The following CERKL variants were observed in gnomAD, a reference collection of about 807,000 sequenced individuals.
CERKL encodes ceramide kinase-like protein.
In CERKL, 61 loss-of-function variants were observed where a neutral mutation model predicts 63.4. The observed-to-expected ratio is 0.96, with a 90% CI of 0.78 to 1.19. CERKL has a LOEUF of 1.19. Ranked by LOEUF, CERKL falls within the 50% of genes most tolerant of loss-of-function variation. CERKL has a pLI of 0.00. For missense variants in CERKL, 675 were observed against 655.5 expected, an observed-to-expected ratio of 1.03 and a Z score of -0.33; for synonymous variants, 250 against 230.5, an observed-to-expected ratio of 1.08 and a Z score of -0.77.
intron 2 of CERKL, among the ~76,000 whole-genome samples, chr2:181,598,814 C>T (rs2105887207): frequency 6.6e-6 from 1 of 151,936 alleles, no homozygotes; most frequent in South Asian, 2.1e-4. Flanking sequence ...CCTGAAAGCA[C>T]CCAGAAACAA....
chr2:181,569,364 GAC>G (rs1488161572), intron 3 of CERKL, among the ~76,000 whole-genome samples: 5 of 152,162 alleles, frequency 3.3e-5, no homozygotes, highest in Non-Finnish European at 7.3e-5. Flanking sequence ...AATCTTTTGT[GAC>G]ACAGTTTCAT....
intron 1 of CERKL, among the ~76,000 whole-genome samples, chr2:181,647,549 T>C (rs1687725377): frequency 6.6e-6 from 1 of 152,078 alleles, no homozygotes; most frequent in Admixed American, 6.5e-5. Context: ...GAGACCATGG[T>C]ACTGAATCCA....
Position 181,538,226 on chromosome 2 carries a change from G to A in CERKL, c.1557C>T (p.Ile519=), listed in dbSNP as rs1687293393. 1.9e-6 allele frequency: 3 copies of A among 1,586,412 alleles called. No homozygotes were observed. The highest frequency in any genetic ancestry group is 1.9e-4 in the Middle Eastern group (1 of 5,392). ...CTTCCATGCTTCCTCCATAAAGACT[G>A]ATAAGTCTTGGATGCAATCTGTAAA... is the stretch of plus-strand genomic sequence containing the variant. ...EVHIRLHPRL[I]SLYGGSMEEM... is the part of the protein sequence containing the mutation. Residue 519 remains isoleucine (I), a synonymous_variant, in exon 13 of 13, where the codon ATC becomes ATT. Coordinates refer to ENST00000410087, the MANE Select transcript of CERKL (RefSeq NM_201548.5).
intron 1 of CERKL, among the ~76,000 whole-genome samples, chr2:181,635,882 G>T (rs943914408): frequency 1.3e-5 from 2 of 152,102 alleles, no homozygotes; most frequent in Admixed American, 6.6e-5. Flanking sequence ...CAATAATGCA[G>T]AAATATTATG....
chr2:181,644,619 T>C (rs1260420382), intron 1 of CERKL, among the ~76,000 whole-genome samples: 1 of 152,130 alleles, frequency 6.6e-6, no homozygotes, highest in Non-Finnish European at 1.5e-5. Context: ...ATCAGAGAAG[T>C]GGATGAACCT....
chr2:181,650,379 T>C (rs1314827664), intron 1 of CERKL, among the ~76,000 whole-genome samples: 1 of 152,164 alleles, frequency 6.6e-6, no homozygotes, highest in Admixed American at 6.5e-5. Context: ...GAGGTAAGTT[T>C]ATAGTATTAA....
intron 1 of CERKL, among the ~76,000 whole-genome samples, chr2:181,605,138 G>A (rs1445202442): frequency 6.6e-6 from 1 of 152,196 alleles, no homozygotes; most frequent in Non-Finnish European, 1.5e-5. Context: ...CGAAGAGGAG[G>A]AAAACAAAGT....
intron 1 of CERKL, among the ~76,000 whole-genome samples, chr2:181,653,098 G>A (rs1688008797): frequency 6.6e-6 from 1 of 152,118 alleles, no homozygotes; most frequent in Non-Finnish European, 1.5e-5. Context: ...ATGGGCAAAC[G>A]ACTTTAATTG....
At chr2:181,611,006 C>T (rs1041538908) in intron 1 of CERKL, among the ~76,000 whole-genome samples, 6 of 152,010 alleles carry the variant, frequency 3.9e-5, no homozygotes, top group African/African-American at 1.2e-4. Flanking sequence ...GGGCGGATCA[C>T]AGGGTCAGGA....
chr2:181,640,794 T>C (rs76921356), intron 1 of CERKL, among the ~76,000 whole-genome samples: 3,430 of 152,318 alleles, frequency 0.023, 137 homozygotes, highest in African/African-American at 0.077. Context: ...GACAACCCCA[T>C]CTGGATTGCC....
At chr2:181,567,584 TA>T (rs1688720084) in intron 3 of CERKL, among the ~76,000 whole-genome samples, 1 of 152,016 alleles carries the variant, frequency 6.6e-6, no homozygotes, top group South Asian at 2.1e-4. Context: ...AAAAGTCCAA[TA>T]AAATCAAAGA....
Position 181,600,924 on chromosome 2 carries a change from G to A in CERKL, c.481+2913C>T, listed in dbSNP as rs113719861. Reference sequence around the variant, plus strand: ...ATATACATTTTTCACATCTGTACATGGAACATTCTCTAAAATTGACCACAT... The same window carrying A: ...ATATACATTTTTCACATCTGTACATAGAACATTCTCTAAAATTGACCACAT... On this transcript the variant is annotated intron_variant, in intron 2 of 12. Coordinates refer to ENST00000410087, the MANE Select transcript of CERKL (RefSeq NM_201548.5). 8.1e-3 allele frequency among the ~76,000 whole-genome samples: 1,226 copies of A among 152,072 alleles called. 19 individuals carry two copies. The highest frequency in any genetic ancestry group is 0.028 in the African/African-American group (1,153 of 41,486).
intron 1 of CERKL, among the ~76,000 whole-genome samples, chr2:181,639,114 A>C (rs528844996): frequency 6.6e-6 from 1 of 152,244 alleles, no homozygotes; most frequent in Non-Finnish European, 1.5e-5. Flanking sequence ...TCTGGACACT[A>C]ACTGGATATG....
intron 10 of CERKL, 50 bp from the exon 11 acceptor site, chr2:181,544,846 T>C: frequency 9.1e-7 from 1 of 1,095,572 alleles, no homozygotes; most frequent in Non-Finnish European, 1.4e-6. Flanking sequence ...TAAGAGATTA[T>C]ACCAAAAATT....
chr2:181,611,834 T>G (rs1685981407), intron 1 of CERKL, among the ~76,000 whole-genome samples: 1 of 152,224 alleles, frequency 6.6e-6, no homozygotes, highest in African/African-American at 2.4e-5. Flanking sequence ...ATTTGAATGG[T>G]AATGACACTG....
chr2:181,575,896 C>CA (rs1689115403), intron 2 of CERKL, among the ~76,000 whole-genome samples: 1 of 152,166 alleles, frequency 6.6e-6, no homozygotes, highest in Non-Finnish European at 1.5e-5. Context: ...AACACTTCCT[C>CA]AGTGAAGCCT....
At chr2:181,643,659 C>T (rs1251202557) in intron 1 of CERKL, among the ~76,000 whole-genome samples, 3 of 152,192 alleles carry the variant, frequency 2.0e-5, no homozygotes, top group Non-Finnish European at 4.4e-5. Context: ...CCCTAAAGGG[C>T]CGTCATTTCA....
At chr2:181,540,179 G>A (rs1430100739) in intron 11 of CERKL, among the ~76,000 whole-genome samples, 1 of 152,172 alleles carries the variant, frequency 6.6e-6, no homozygotes, top group Non-Finnish European at 1.5e-5. Context: ...AACAGTAGAT[G>A]ATATGATGGC....
chr2:181,610,573 T>C (rs1685923554), intron 1 of CERKL, among the ~76,000 whole-genome samples: 1 of 152,232 alleles, frequency 6.6e-6, no homozygotes, highest in Admixed American at 6.5e-5. Flanking sequence ...GAAATCTCTG[T>C]ATTCTGGTCT....
Sources: gnomAD v4.1 joint callset for allele counts (sites outside exome capture counted in the v4.1 genomes callset) on GRCh38, gnomAD v4.1.1 for gene constraint, MANE v1.5 for transcripts, NCBI Gene and HGNC (gene_info 2026-07-23, HGNC 2026-07-21) for gene names.